The following PCDHGA1 variants were observed in gnomAD, a reference collection of about 807,000 sequenced individuals.
PCDHGA1 encodes protocadherin gamma subfamily A, 1, also known as protocadherin gamma-A1.
PCDHGA1 carries 32 observed loss-of-function variants against 58.0 expected under a neutral mutation model. The observed-to-expected ratio is 0.55, with a 90% CI of 0.42 to 0.74. PCDHGA1 has a LOEUF of 0.74. Among genes scored for constraint, PCDHGA1 ranks in the 30% least tolerant of loss-of-function variants. PCDHGA1 has a pLI of 0.00. For missense variants in PCDHGA1, 1,205 were observed against 1,182.3 expected, an observed-to-expected ratio of 1.02 and a Z score of -0.28; for synonymous variants, 498 against 501.1, an observed-to-expected ratio of 0.99 and a Z score of 0.08.
chr5:141,410,623 G>A (rs2154543147), intron 1 of PCDHGA1: 1 of 1,603,052 alleles, frequency 6.2e-7, no homozygotes, highest in Non-Finnish European at 8.5e-7. Flanking sequence ...TGACTTCGGT[G>A]AGTTTCTCTT....
chr5:141,398,165 G>A (rs574512663), intron 1 of PCDHGA1: 4 of 1,479,272 alleles, frequency 2.7e-6, no homozygotes, highest in South Asian at 2.8e-5. Context: ...CGGGCTGAGA[G>A]GCTGCCAGTG....
At chr5:141,414,932 C>T (rs770025434) in intron 1 of PCDHGA1, 3 of 1,614,162 alleles carry the variant, frequency 1.9e-6, no homozygotes, top group Middle Eastern at 1.7e-4. Context: ...CCCCGCTCCG[C>T]AGAGCCCGGC....
chr5:141,401,761 A>T (rs2094191513), intron 1 of PCDHGA1, among the ~76,000 whole-genome samples: 1 of 152,210 alleles, frequency 6.6e-6, no homozygotes, highest in African/African-American at 2.4e-5. Flanking sequence ...ATTACATGGT[A>T]TAAGTCTTTT....
intron 3 of PCDHGA1, among the ~76,000 whole-genome samples, chr5:141,508,841 C>A (rs969875150): frequency 6.6e-6 from 1 of 152,140 alleles, no homozygotes; most frequent in East Asian, 1.9e-4. Context: ...TCCCCTACCC[C>A]TTCCATTCCC....
At position 141,485,402 on chromosome 5, in the gene PCDHGA1, G is replaced by T. The variant is rs375700791; in HGVS notation, c.2422-9405G>T. ...AGAGGTGAACCAAAGACACTTCCGTGTGGATTTGGACAGCGGAGCCCTGCT... is the reference window on the plus strand; with the variant it reads ...AGAGGTGAACCAAAGACACTTCCGTTTGGATTTGGACAGCGGAGCCCTGCT... On this transcript the variant is annotated intron_variant, in intron 1 of 3. Coordinates refer to ENST00000517417, the MANE Select transcript of PCDHGA1 (RefSeq NM_018912.3). This position sits in a 1 kb window ranked among gnomAD's most constrained non-coding sequence, Gnocchi z 5.7. The T allele has an allele frequency of 6.2e-7, 1 of 1,614,194 alleles. No homozygotes were observed. Among genetic ancestry groups the T allele is most frequent in the East Asian group, 2.2e-5 (1 of 44,878 alleles).
Position 141,490,311 on chromosome 5 carries a change from C to T in PCDHGA1, c.2422-4496C>T. 6.2e-7 allele frequency: 1 copy of T among 1,614,200 alleles called. No individual in the cohort carries two copies. The highest frequency in any genetic ancestry group is 8.5e-7 in the Non-Finnish European group (1 of 1,180,018). On this transcript the variant is annotated intron_variant, in intron 1 of 3. Coordinates refer to ENST00000517417, the MANE Select transcript of PCDHGA1 (RefSeq NM_018912.3). This position sits in a 1 kb window ranked among gnomAD's most constrained non-coding sequence, Gnocchi z 5.4. ...AGGTGCTATTGGCCTCTTTGGCCAA[C>T]CCTGTCCTAGAGAGCACACCAGTGG...
intron 1 of PCDHGA1, chr5:141,365,023 G>C (rs775697621): frequency 6.8e-6 from 11 of 1,613,854 alleles, no homozygotes; most frequent in Non-Finnish European, 9.3e-6. Context: ...TCCGTGTTAC[G>C]GTCCTCGACG....
intron 1 of PCDHGA1, chr5:141,372,371 G>A: frequency 6.2e-7 from 1 of 1,613,974 alleles, no homozygotes; most frequent in Non-Finnish European, 8.5e-7. Flanking sequence ...CCACCGTCAT[G>A]CTGCACCTAA....
At chr5:141,483,084 CA>C (rs898059463) in intron 1 of PCDHGA1, among the ~76,000 whole-genome samples, 4 of 150,440 alleles carry the variant, frequency 2.7e-5, no homozygotes, top group Middle Eastern at 3.4e-3. Flanking sequence ...GACTCCATCT[CA>C]AAAAAAAAGT....
chr5:141,428,063 C>T lies in PCDHGA1; in HGVS notation c.2422-66744C>T, dbSNP rs777477669. 12 of 1,609,054 alleles carry T rather than the reference C, an allele frequency of 7.5e-6. No individual in the cohort carries two copies. In the African/African-American group the frequency reaches 1.3e-4, roughly 18 times the overall value. ...TGGTGACCAAGGTGGTGGCGGTGGA[C>T]GCAGATTCGGGACACAACGCTTGGC... On this transcript the variant is annotated intron_variant, in intron 1 of 3. Coordinates refer to ENST00000517417, the MANE Select transcript of PCDHGA1 (RefSeq NM_018912.3).
At chr5:141,415,185 C>T (rs375113497) in intron 1 of PCDHGA1, 2 of 1,613,978 alleles carry the variant, frequency 1.2e-6, no homozygotes, top group Non-Finnish European at 8.5e-7. Flanking sequence ...CCGTGGCCGA[C>T]AGCATCCCCC....
At chr5:141,359,373 A>C (rs1415898355) in intron 1 of PCDHGA1, among the ~76,000 whole-genome samples, 1 of 152,158 alleles carries the variant, frequency 6.6e-6, no homozygotes, top group East Asian at 1.9e-4. Context: ...GGAAAGCAGT[A>C]GATAATTTAT....
chr5:141,392,248 A>G (rs2092491180), intron 1 of PCDHGA1: 3 of 152,220 alleles, frequency 2.0e-5, no homozygotes, highest in Admixed American at 2.0e-4. Flanking sequence ...ATTTGTTAGT[A>G]TATATTGGAG....
chr5:141,389,569 A>T, intron 1 of PCDHGA1: 2 of 1,613,182 alleles, frequency 1.2e-6, no homozygotes, highest in Non-Finnish European at 1.7e-6. Context: ...CGGGTGCTGT[A>T]CCCCGCGCTG....
rs1050545030 is a variant in PCDHGA1, at chr5:141,410,711, A to G, written c.2421+77606A>G. The G allele has an allele frequency of 4.2e-6, 6 of 1,436,568 alleles. No individual in the cohort carries two copies. In the African/African-American group the frequency reaches 7.6e-5, roughly 18 times the overall value. The allele number at this position is 1,436,568 out of a possible 1,614,324, so 89.0% of individuals were successfully genotyped here. A position where few individuals can be genotyped will look rare whatever the true frequency, so the allele number is the denominator to read the frequency against. ...CTACTTTATTTTCATATCTAGAATC[A>G]TATGTTTAAAATCCATAGCTTTTTA... On this transcript the variant is annotated intron_variant, in intron 1 of 3. Transcript: ENST00000517417.
intron 1 of PCDHGA1, chr5:141,356,899 T>C: frequency 6.2e-7 from 1 of 1,614,188 alleles, no homozygotes; most frequent in African/African-American, 1.3e-5. Context: ...GTACCCCACC[T>C]TCCCTACTGA....
chr5:141,465,385 C>T (rs752724696), intron 1 of PCDHGA1, among the ~76,000 whole-genome samples: 3 of 151,978 alleles, frequency 2.0e-5, no homozygotes, highest in Admixed American at 6.6e-5. Context: ...AGATTAGGAA[C>T]AAAAACAAGT....
At chr5:141,357,326 C>T in intron 1 of PCDHGA1, 8 of 1,614,082 alleles carry the variant, frequency 5.0e-6, no homozygotes, top group Non-Finnish European at 6.8e-6. Context: ...GCTTTTGTCA[C>T]GGTGCTGCTA....
In PCDHGA1 at chr5:141,409,031, A is replaced by G. The variant is rs748995883; in HGVS notation, c.2421+75926A>G. The G allele has an allele frequency of 1.2e-6, 2 of 1,614,032 alleles. No individual in the cohort carries two copies. The highest frequency in any genetic ancestry group is 1.7e-6 in the Non-Finnish European group (2 of 1,179,904). The stretch of plus-strand genomic sequence containing the variant: ...CCAGGATGAGGGGGTCAATGCTGAG[A>G]TAAACTACTACTTCCGAAGCACTGC... On this transcript the variant is annotated intron_variant, in intron 1 of 3. Transcript: ENST00000517417.
Sources: allele counts gnomAD v4.1 joint callset (sites outside exome capture counted in the v4.1 genomes callset), GRCh38; gene constraint gnomAD v4.1.1; non-coding constraint Gnocchi (gnomAD v3.1); transcripts MANE v1.5; gene names NCBI Gene and HGNC (gene_info 2026-07-23, HGNC 2026-07-21).